MRPS22: variants seen among roughly 807,000 people sequenced by gnomAD.
MRPS22 encodes the protein small ribosomal subunit protein mS22.
Under a neutral mutation model 44.0 loss-of-function variants are expected in MRPS22, and 30 were observed. The ratio of observed to expected loss-of-function variants is 0.68; its 90% CI spans 0.51 to 0.93. The LOEUF (loss-of-function observed/expected upper bound fraction) is 0.93, where lower values mean the gene tolerates loss of function less well. MRPS22 is among the 40% of genes least tolerant of loss of function. The pLI, the probability that MRPS22 is intolerant of heterozygous loss-of-function variation, is 0.00. For synonymous variants in MRPS22, 165 were observed against 154.4 expected (o/e 1.07, Z -0.51); for missense variants, 447 against 447.8 (o/e 1.00, Z 0.02).
At chr3:139,355,334 G>A (rs1475425001) in intron 6 of MRPS22, among the ~76,000 whole-genome samples, 1 of 152,178 alleles carries the variant, frequency 6.6e-6, no homozygotes, top group African/African-American at 2.4e-5. Flanking sequence ...TGCTGGTGAA[G>A]TAAGCTGGCC....
intron 1 of MRPS22, 156 bp from the exon 2 acceptor site, chr3:139,346,717 TAAATG>T: frequency 1.4e-6 from 1 of 705,470 alleles, no homozygotes; most frequent in South Asian, 1.8e-5. Flanking sequence ...CAGTAAATCT[TAAATG>T]AAGAAATAAA....
intron 1 of MRPS22, among the ~76,000 whole-genome samples, chr3:139,345,449 T>TC (rs397730323): frequency 9.6e-6 from 1 of 104,438 alleles, no homozygotes; most frequent in South Asian, 2.5e-4. Flanking sequence ...TTTTTTTTTT[T>TC]GTTTTTTTTT....
chr3:139,348,373 G>A, intron 3 of MRPS22, 49 bp downstream of exon 3: 4 of 1,583,446 alleles, frequency 2.5e-6, no homozygotes, highest in Non-Finnish European at 3.5e-6. Context: ...AATACTATGT[G>A]GAGAAGGGCT....
intron 2 of MRPS22, among the ~76,000 whole-genome samples, chr3:139,347,775 A>C (rs918671376): frequency 1.3e-5 from 2 of 152,222 alleles, no homozygotes; most frequent in African/African-American, 2.4e-5. Context: ...AGATGATAAC[A>C]ATTGCACCTA....
At chr3:139,353,695 G>T (rs1251332221) in intron 6 of MRPS22, among the ~76,000 whole-genome samples, 1 of 152,188 alleles carries the variant, frequency 6.6e-6, no homozygotes, top group East Asian at 1.9e-4. Flanking sequence ...TATTCCTAAT[G>T]ATGATGATTT....
chr3:139,346,064 A>G (rs1184453137), intron 1 of MRPS22, among the ~76,000 whole-genome samples: 1 of 152,168 alleles, frequency 6.6e-6, no homozygotes, highest in East Asian at 1.9e-4. Flanking sequence ...AGGCAAAGCA[A>G]TAAGCAAACT....
In MRPS22 at chr3:139,351,037, C is replaced by G; in HGVS notation, c.709C>G (p.Pro237Ala). 1.2e-6 allele frequency: 2 copies of G among 1,613,724 alleles called. No individual in the cohort carries two copies. The highest frequency in any genetic ancestry group is 8.5e-7 in the Non-Finnish European group (1 of 1,179,748). ...VLNLCFAQFE[P>A]DSTEYIKVHH... ...CAATCTCTGCTTTGCCCAGTTTGAG[C>G]CAGATTCCACAGAGTATATCAAGGT... The change falls in exon 5 of 8, where the codon CCA becomes GCA. Residue 237 changes from proline (P) to alanine (A), a missense_variant. Transcript: ENST00000680020.
At chr3:139,344,765 G>C in intron 1 of MRPS22, 1 of 657,012 alleles carries the variant, frequency 1.5e-6, no homozygotes, top group Non-Finnish European at 2.7e-6. Flanking sequence ...GAGTTTAAAG[G>C]GACAAATTAA....
At chr3:139,349,473 A>G (rs1412759645) in intron 3 of MRPS22, 2 of 261,400 alleles carry the variant, frequency 7.7e-6, no homozygotes, top group Non-Finnish European at 1.5e-5. Context: ...AGCTCCATGT[A>G]TGCCACTCCC....
intron 4 of MRPS22, 175 bp from the exon 5 acceptor site, chr3:139,350,802 G>C (rs1355344256): frequency 1.5e-6 from 1 of 668,588 alleles, no homozygotes. Context: ...TCTCATAATT[G>C]GCTTAGCTGG....
rs1402326031 is a variant in MRPS22 at position 139,344,852 on chromosome 3, G to A, written c.172+654G>A. 5.4e-6 allele frequency: 3 copies of A among 554,580 alleles called. No individual in the cohort carries two copies. The Admixed American group carries it at 1.0e-4, about 19-fold the overall frequency. The allele number at this position is 554,580 out of a possible 1,614,324, so 34.4% of individuals were successfully genotyped here. On this transcript the variant is annotated intron_variant, in intron 1 of 7. Transcript: ENST00000680020. Reference sequence around the variant, plus strand: ...AGATGAAGAAGATTAATTAATTGTTGGAACCGTTATTTTGGGGGCGGGGGT... The same window carrying A: ...AGATGAAGAAGATTAATTAATTGTTAGAACCGTTATTTTGGGGGCGGGGGT...
chr3:139,350,037 T>C (rs1156346201), intron 3 of MRPS22, 142 bp from the exon 4 acceptor site: 48 of 953,902 alleles, frequency 5.0e-5, no homozygotes, highest in Non-Finnish European at 7.5e-5. Flanking sequence ...GTCTTTGAGG[T>C]TTAAAATTAT....
At chr3:139,354,118 A>G (rs552024028) in intron 6 of MRPS22, among the ~76,000 whole-genome samples, 1 of 152,218 alleles carries the variant, frequency 6.6e-6, no homozygotes, top group Admixed American at 6.5e-5. Flanking sequence ...CATTCTGAAC[A>G]GAAGAGTGAG....
chr3:139,355,551 G>A (rs1273185839), intron 6 of MRPS22, 131 bp from the exon 7 acceptor site: 4 of 788,398 alleles, frequency 5.1e-6, no homozygotes, highest in Non-Finnish European at 8.7e-6. Flanking sequence ...AAAACTGAAG[G>A]TCCTTCCCCA....
intron 5 of MRPS22, chr3:139,351,661 G>A (rs944393478): frequency 1.3e-4 from 20 of 159,988 alleles, no homozygotes; most frequent in African/African-American, 4.3e-4. Context: ...GGTTCTAGAA[G>A]TGCAGGAAAT....
intron 6 of MRPS22, among the ~76,000 whole-genome samples, chr3:139,353,921 CA>C (rs1361074223): frequency 6.6e-6 from 1 of 152,080 alleles, no homozygotes; most frequent in Non-Finnish European, 1.5e-5. Context: ...TATGTTCTTA[CA>C]AAAAATTAGA....
At chr3:139,355,106 G>A (rs1434452135) in intron 6 of MRPS22, among the ~76,000 whole-genome samples, 1 of 152,184 alleles carries the variant, frequency 6.6e-6, no homozygotes, top group African/African-American at 2.4e-5. Context: ...TCTGATGTGT[G>A]TGTATAATTT....
intron 4 of MRPS22, chr3:139,350,681 C>G (rs1026225524): frequency 2.3e-5 from 10 of 439,380 alleles, no homozygotes; most frequent in Non-Finnish European, 2.9e-5. Context: ...ACCCCCCCCC[C>G]GCAATCCGAC....
At chr3:139,345,188 A>G (rs1363658287) in intron 1 of MRPS22, among the ~76,000 whole-genome samples, 1 of 152,174 alleles carries the variant, frequency 6.6e-6, no homozygotes, top group Non-Finnish European at 1.5e-5. Context: ...TAAGCAGACC[A>G]CCTTAACTTT....
Sources: allele counts gnomAD v4.1 joint callset (sites outside exome capture counted in the v4.1 genomes callset), GRCh38; gene constraint gnomAD v4.1.1; transcripts MANE v1.5; gene names NCBI Gene and HGNC (gene_info 2026-07-23, HGNC 2026-07-21).